IQSEC1: variants seen among roughly 807,000 people sequenced by gnomAD.
IQSEC1 encodes the protein IQ motif and Sec7 domain ArfGEF 1.
Under a neutral mutation model 91.0 loss-of-function variants are expected in IQSEC1, and 31 were observed. That is an observed-to-expected ratio of 0.34 (90% CI 0.26 to 0.46). The LOEUF (loss-of-function observed/expected upper bound fraction) is 0.46, where lower values mean the gene tolerates loss of function less well. Among genes scored for constraint, IQSEC1 ranks in the 20% least tolerant of loss-of-function variants. IQSEC1 has a pLI of 1.00. For missense variants in IQSEC1, 1,388 were observed against 1,575.6 expected (o/e 0.88, Z 2.02); for synonymous variants, 699 against 662.6 (o/e 1.05, Z -0.84).
intron 2 of IQSEC1, among the ~76,000 whole-genome samples, chr3:13,151,353 G>A (rs753726721): frequency 5.9e-5 from 9 of 152,208 alleles, no homozygotes; most frequent in Non-Finnish European, 1.3e-4. Flanking sequence ...TGCATTGTGT[G>A]TGCTGGTCCC....
At position 12,941,581 on chromosome 3, in the gene IQSEC1, T is replaced by C; in HGVS notation, c.308A>G (p.Gln103Arg). 1.3e-6 allele frequency: 2 copies of C among 1,578,898 alleles called. No homozygotes were observed. Among genetic ancestry groups the C allele is most frequent in the Non-Finnish European group, 1.7e-6 (2 of 1,158,020 alleles). Residue 103 changes from glutamine to arginine, a missense_variant, in exon 2 of 14, where the codon CAG becomes CGG. Physicochemically the swap from Gln to Arg is conservative, Grantham distance 43. Transcript: ENST00000613206. ...SESYELSSDL[Q>R]DKQVEMLERK... Reference sequence around the variant, plus strand: ...GCTGTGCTCTCCTACCTGCTTGTCCTGCAGGTCCGAGGAGAGCTCATAGCT... The same window carrying C: ...GCTGTGCTCTCCTACCTGCTTGTCCCGCAGGTCCGAGGAGAGCTCATAGCT...
intron 2 of IQSEC1, among the ~76,000 whole-genome samples, chr3:13,123,670 A>G (rs1020082272): frequency 2.6e-5 from 4 of 152,216 alleles, no homozygotes; most frequent in Non-Finnish European, 2.9e-5. Context: ...GCACCCCTTG[A>G]TTGAGCCTTC....
At chr3:12,988,446 C>T (rs1397317995) in intron 1 of IQSEC1, among the ~76,000 whole-genome samples, 1 of 152,022 alleles carries the variant, frequency 6.6e-6, no homozygotes, top group Non-Finnish European at 1.5e-5. Context: ...AAAATAAATA[C>T]AATAAAAATA....
At chr3:13,134,551 G>C (rs765117922) in intron 2 of IQSEC1, among the ~76,000 whole-genome samples, 9 of 152,240 alleles carry the variant, frequency 5.9e-5, no homozygotes, top group Non-Finnish European at 1.2e-4. Flanking sequence ...CTTGGCATCC[G>C]CAGCGCGAGC....
chr3:13,003,731 G>A (rs537586469), intron 1 of IQSEC1, among the ~76,000 whole-genome samples: 1 of 152,336 alleles, frequency 6.6e-6, no homozygotes, highest in South Asian at 2.1e-4. Context: ...GACAACAGGC[G>A]AAATGTGACT....
intron 1 of IQSEC1, among the ~76,000 whole-genome samples, chr3:13,189,871 C>G (rs1410263902): frequency 2.0e-5 from 3 of 152,242 alleles, no homozygotes; most frequent in African/African-American, 7.2e-5. Context: ...CTCTGCTCAT[C>G]TGTGACTCAT....
chr3:13,274,301 C>T (rs376434542), intron 1 of IQSEC1, among the ~76,000 whole-genome samples: 5 of 152,230 alleles, frequency 3.3e-5, no homozygotes, highest in East Asian at 1.9e-4. Context: ...GATCCCACCC[C>T]GCACCTTGTC....
At chr3:13,218,335 G>A (rs1216072371) in intron 1 of IQSEC1, among the ~76,000 whole-genome samples, 1 of 152,200 alleles carries the variant, frequency 6.6e-6, no homozygotes, top group African/African-American at 2.4e-5. Flanking sequence ...CTCAGTGCTG[G>A]CTATACAGCA....
chr3:12,967,974 G>A lies in IQSEC1; in HGVS notation c.24-26109C>T, dbSNP rs966937817. ...CGAGGCGCGGGGTGCAGAGCGCAAG[G>A]GCGGAGTCCCAGACACTGCATCCAG... On this transcript the variant is annotated intron_variant, in intron 1 of 13. Transcript: ENST00000613206. This position sits in a 1 kb window ranked among gnomAD's most constrained non-coding sequence, Gnocchi z 5.9. 1.3e-5 allele frequency among the ~76,000 whole-genome samples: 2 copies of A among 152,168 alleles called. No individual in the cohort carries two copies. The highest frequency in any genetic ancestry group is 4.8e-5 in the African/African-American group (2 of 41,442).
At chr3:13,205,197 C>G (rs1694321651) in intron 1 of IQSEC1, among the ~76,000 whole-genome samples, 1 of 152,230 alleles carries the variant, frequency 6.6e-6, no homozygotes, top group Non-Finnish European at 1.5e-5. Flanking sequence ...CCACCCCATC[C>G]TGAACAGGAA....
chr3:13,128,628 G>A (rs1302825202), intron 2 of IQSEC1, among the ~76,000 whole-genome samples: 1 of 152,114 alleles, frequency 6.6e-6, no homozygotes, highest in Non-Finnish European at 1.5e-5. Context: ...CACTTTGGGA[G>A]GCCGAGGCGG....
intron 1 of IQSEC1, among the ~76,000 whole-genome samples, chr3:13,170,550 G>A (rs544927902): frequency 2.6e-4 from 40 of 152,360 alleles, no homozygotes; most frequent in Non-Finnish European, 4.9e-4. Context: ...GCCAGTGAAA[G>A]CAGCCGGGAG....
At chr3:13,121,073 C>T (rs539770036) in intron 2 of IQSEC1, among the ~76,000 whole-genome samples, 1 of 152,360 alleles carries the variant, frequency 6.6e-6, no homozygotes, top group Admixed American at 6.5e-5. Context: ...AGGAGGCCAG[C>T]ATGGTCGGCA....
chr3:13,096,669 C>T (rs549325036), intron 2 of IQSEC1, among the ~76,000 whole-genome samples: 10 of 152,202 alleles, frequency 6.6e-5, no homozygotes, highest in African/African-American at 1.9e-4. Context: ...CTGGTGCTTC[C>T]GAAGACCATG....
intron 2 of IQSEC1, among the ~76,000 whole-genome samples, chr3:13,093,954 G>A (rs531245948): frequency 2.3e-4 from 35 of 152,228 alleles, no homozygotes; most frequent in Non-Finnish European, 4.0e-4. Flanking sequence ...AGGCCAATGA[G>A]AGTCAGCCCT....
chr3:12,926,051 C>T (rs1697094594), intron 3 of IQSEC1, among the ~76,000 whole-genome samples: 1 of 152,194 alleles, frequency 6.6e-6, no homozygotes, highest in Non-Finnish European at 1.5e-5. Context: ...TGGCCCACAC[C>T]TGTAATTCCA....
intron 1 of IQSEC1, among the ~76,000 whole-genome samples, chr3:13,050,695 T>A (rs906524949): frequency 1.3e-5 from 2 of 152,238 alleles, no homozygotes; most frequent in African/African-American, 2.4e-5. Context: ...CTTTTTCATC[T>A]GTAATGTTTT....
At chr3:13,040,546 G>A (rs557543198) in intron 1 of IQSEC1, among the ~76,000 whole-genome samples, 37 of 152,260 alleles carry the variant, frequency 2.4e-4, no homozygotes, top group Non-Finnish European at 3.7e-4. Context: ...CTTGGACCAC[G>A]TGGCCCCCAG....
At chr3:13,117,430 C>T (rs544769003) in intron 2 of IQSEC1, among the ~76,000 whole-genome samples, 9 of 150,800 alleles carry the variant, frequency 6.0e-5, no homozygotes, top group South Asian at 4.2e-4. Context: ...ACTAAAAATA[C>T]GAAAAATTAA....
Sources: gnomAD v4.1 joint callset for allele counts (sites outside exome capture counted in the v4.1 genomes callset) on GRCh38, gnomAD v4.1.1 for gene constraint, Gnocchi (gnomAD v3.1) non-coding constraint, MANE v1.5 for transcripts, NCBI Gene and HGNC (gene_info 2026-07-23, HGNC 2026-07-21) for gene names.